The following TAFA1 variants were observed in gnomAD, a reference collection of about 807,000 sequenced individuals.
TAFA1 encodes the protein chemokine-like protein TAFA-1.
In TAFA1, 4 loss-of-function variants were observed where a neutral mutation model predicts 18.5. That is an observed-to-expected ratio of 0.22 (90% CI 0.11 to 0.49). The LOEUF (loss-of-function observed/expected upper bound fraction) is 0.49. Among genes scored for constraint, TAFA1 ranks in the 20% least tolerant of loss-of-function variants. TAFA1 has a pLI of 0.98. For missense variants in TAFA1, 147 were observed against 169.0 expected (o/e 0.87, Z 0.72); for synonymous variants, 56 against 55.2 (o/e 1.01, Z -0.06).
At chr3:68,327,118 G>T (rs879354764) in intron 2 of TAFA1, among the ~76,000 whole-genome samples, 8 of 152,146 alleles carry the variant, frequency 5.3e-5, no homozygotes, top group Non-Finnish European at 1.0e-4. Context: ...AAACTCTCAT[G>T]CCTGCCACCA....
intron 3 of TAFA1, among the ~76,000 whole-genome samples, chr3:68,529,309 T>A (rs1260320098): frequency 6.6e-6 from 1 of 151,808 alleles, no homozygotes; most frequent in Admixed American, 6.6e-5. Context: ...TCTTTGAGTT[T>A]AGTGACTCTT....
At chr3:68,429,583 C>A (rs1265770730) in intron 3 of TAFA1, among the ~76,000 whole-genome samples, 1 of 151,872 alleles carries the variant, frequency 6.6e-6, no homozygotes, top group Non-Finnish European at 1.5e-5. Flanking sequence ...GTCACACTAG[C>A]CTCCTGATTA....
intron 3 of TAFA1, among the ~76,000 whole-genome samples, chr3:68,438,534 T>C (rs2071306054): frequency 6.6e-6 from 1 of 152,118 alleles, no homozygotes; most frequent in Non-Finnish European, 1.5e-5. Flanking sequence ...TCTACAGTTA[T>C]GGGGTCTTGG....
chr3:68,132,846 A>C lies in TAFA1; in HGVS notation c.118+126102A>C, dbSNP rs906692040. Among the ~76,000 whole-genome samples the C allele has an allele frequency of 6.0e-5, 7 of 116,042 alleles. 1 individual carries two copies. The highest frequency in any genetic ancestry group is 2.0e-4 in the African/African-American group (7 of 35,382). 76.1% of individuals were successfully genotyped at this position (116,042 alleles called of 152,430 possible). ...TAGGTCACCTGTTCATGCTGATGAT[A>C]ATTTATTTTGCTGTGCAAAGCTCTT... On this transcript the variant is annotated intron_variant, in intron 2 of 4. Coordinates refer to ENST00000478136, the MANE Select transcript of TAFA1 (RefSeq NM_213609.4).
intron 2 of TAFA1, among the ~76,000 whole-genome samples, chr3:68,413,148 T>G (rs2070746799): frequency 6.6e-6 from 1 of 152,252 alleles, no homozygotes. Flanking sequence ...CATTTTTTCA[T>G]GTGTCTGTTG....
chr3:68,230,427 C>T (rs1279377725), intron 2 of TAFA1, among the ~76,000 whole-genome samples: 1 of 152,112 alleles, frequency 6.6e-6, no homozygotes, highest in East Asian at 1.9e-4. Flanking sequence ...CAGTTCCATC[C>T]ATGTTGTTGC....
intron 3 of TAFA1, among the ~76,000 whole-genome samples, chr3:68,529,436 T>TAAAAAAAAA (rs533214097): frequency 5.3e-4 from 41 of 77,070 alleles, no homozygotes; most frequent in African/African-American, 1.6e-3. Context: ...CACCATTCTC[T>TAAAAAAAAA]AAAAAAAAAA....
intron 2 of TAFA1, among the ~76,000 whole-genome samples, chr3:68,409,021 C>T (rs754085012): frequency 6.6e-6 from 1 of 152,110 alleles, no homozygotes; most frequent in Non-Finnish European, 1.5e-5. Context: ...ATCATGCACA[C>T]TATAAATATT....
At chr3:68,287,506 G>A (rs992407789) in intron 2 of TAFA1, among the ~76,000 whole-genome samples, 5 of 152,026 alleles carry the variant, frequency 3.3e-5, no homozygotes, top group African/African-American at 9.7e-5. Context: ...ACAGGACAGG[G>A]AGCATTAAGC....
intron 2 of TAFA1, among the ~76,000 whole-genome samples, chr3:68,405,699 C>CAAAAAAAAAAAAAAAAA (rs56258198): frequency 2.4e-4 from 8 of 32,890 alleles, no homozygotes; most frequent in Middle Eastern, 0.036. Flanking sequence ...GACTCTATCT[C>CAAAAAAAAAAAAAAAAA]AAAAAAAAAA....
rs188031055 is a variant in TAFA1, at chr3:68,012,951, G to C, written c.118+6207G>C. On this transcript the variant is annotated intron_variant, in intron 2 of 4. Coordinates refer to ENST00000478136, the MANE Select transcript of TAFA1 (RefSeq NM_213609.4). ...CTCCTCCTGGAGATTTGCAGTGCTT[G>C]TAAGTATATGAAAGTTCTGGAAAGA... 3.6e-3 allele frequency among the ~76,000 whole-genome samples: 550 copies of C among 152,248 alleles called. 1 individual carries two copies. Among genetic ancestry groups the C allele is most frequent in the African/African-American group, 0.012 (495 of 41,560 alleles).
At chr3:68,443,473 C>CAAAAAAAAAAAAAAAAAAAAAAA in intron 3 of TAFA1, among the ~76,000 whole-genome samples, 1 of 96,100 alleles carries the variant, frequency 1.0e-5, no homozygotes, top group Non-Finnish European at 2.2e-5. Flanking sequence ...GGGCAATTTA[C>CAAAAAAAAAAAAAAAAAAAAAAA]AAAAAAAAAA....
chr3:68,113,426 A>G (rs191690034), intron 2 of TAFA1, among the ~76,000 whole-genome samples: 1 of 152,346 alleles, frequency 6.6e-6, no homozygotes, highest in East Asian at 1.9e-4. Flanking sequence ...AGGTGAATCA[A>G]ATACTTACAT....
At chr3:68,332,007 G>C (rs2068884846) in intron 2 of TAFA1, among the ~76,000 whole-genome samples, 2 of 151,642 alleles carry the variant, frequency 1.3e-5, no homozygotes, top group South Asian at 4.2e-4. Flanking sequence ...GGGACTACAG[G>C]TGCCCGCCAC....
chr3:68,098,824 A>G (rs776884093), intron 2 of TAFA1, among the ~76,000 whole-genome samples: 7 of 152,174 alleles, frequency 4.6e-5, no homozygotes, highest in Non-Finnish European at 8.8e-5. Context: ...CCAATGGAAC[A>G]GAATACAGAA....
chr3:68,119,498 A>G (rs2065362255), intron 2 of TAFA1, among the ~76,000 whole-genome samples: 1 of 152,134 alleles, frequency 6.6e-6, no homozygotes. Flanking sequence ...TCTTTCTTCT[A>G]AGCTTTTAAG....
chr3:68,184,883 T>C (rs1317816656), intron 2 of TAFA1, among the ~76,000 whole-genome samples: 1 of 152,168 alleles, frequency 6.6e-6, no homozygotes. Context: ...GGCTGAGACA[T>C]GGGAAAGTGT....
chr3:68,179,323 C>A (rs566428371), intron 2 of TAFA1, among the ~76,000 whole-genome samples: 1 of 152,172 alleles, frequency 6.6e-6, no homozygotes, highest in Non-Finnish European at 1.5e-5. Flanking sequence ...GGCTTTACAA[C>A]CCTACATTAC....
chr3:68,236,669 T>A (rs1256343413), intron 2 of TAFA1, among the ~76,000 whole-genome samples: 3 of 152,238 alleles, frequency 2.0e-5, no homozygotes, highest in Non-Finnish European at 4.4e-5. Context: ...GTGTTAATAT[T>A]TTTCATGGGA....
Sources: allele counts gnomAD v4.1 joint callset (sites outside exome capture counted in the v4.1 genomes callset), GRCh38; gene constraint gnomAD v4.1.1; transcripts MANE v1.5; gene names NCBI Gene and HGNC (gene_info 2026-07-23, HGNC 2026-07-21).